The following TTC27 variants were observed in gnomAD, a reference collection of about 807,000 sequenced individuals.
TTC27 encodes the protein tetratricopeptide repeat protein 27.
In TTC27, 79 loss-of-function variants were observed where a neutral mutation model predicts 115.9. That is an observed-to-expected ratio of 0.68 (90% CI 0.57 to 0.82). The LOEUF (loss-of-function observed/expected upper bound fraction) is 0.82. TTC27 is among the 40% of genes least tolerant of loss of function. TTC27 has a pLI of 0.00. For missense variants in TTC27, 1,054 were observed against 993.1 expected, an observed-to-expected ratio of 1.06 and a Z score of -0.82; for synonymous variants, 401 against 356.0, an observed-to-expected ratio of 1.13 and a Z score of -1.42.
intron 10 of TTC27, among the ~76,000 whole-genome samples, chr2:32,719,054 G>C (rs985117896): frequency 6.6e-6 from 1 of 152,200 alleles, no homozygotes; most frequent in African/African-American, 2.4e-5. Context: ...AAGATCCCAA[G>C]TGAAGAACCA....
At chr2:32,749,582 T>G (rs927004795) in intron 12 of TTC27, among the ~76,000 whole-genome samples, 1 of 152,230 alleles carries the variant, frequency 6.6e-6, no homozygotes, top group Non-Finnish European at 1.5e-5. Context: ...CTGACACTTT[T>G]GGCCAGTTTT....
chr2:32,722,896 G>A (rs1667973815), intron 10 of TTC27, among the ~76,000 whole-genome samples: 1 of 152,152 alleles, frequency 6.6e-6, no homozygotes, highest in South Asian at 2.1e-4. Context: ...CTTCTGATAA[G>A]GCCAAGAAAG....
chr2:32,666,609 T>C (rs1665785077), intron 6 of TTC27, 26 bp from the exon 7 acceptor site: 2 of 1,612,248 alleles, frequency 1.2e-6, no homozygotes, highest in African/African-American at 2.7e-5. Flanking sequence ...GGTAAGTCAG[T>C]AGATATAATT....
At chr2:32,769,927 T>C (rs918206197) in intron 13 of TTC27, among the ~76,000 whole-genome samples, 1 of 152,152 alleles carries the variant, frequency 6.6e-6, no homozygotes, top group Non-Finnish European at 1.5e-5. Context: ...ATTGAGTGAA[T>C]AGGCAACATG....
At chr2:32,701,347 T>C (rs979285042) in intron 9 of TTC27, among the ~76,000 whole-genome samples, 9 of 152,276 alleles carry the variant, frequency 5.9e-5, no homozygotes, top group Non-Finnish European at 1.3e-4. Context: ...GTATCATCCA[T>C]GTCCAGGAAG....
chr2:32,650,751 G>A (rs1234447978), intron 5 of TTC27, among the ~76,000 whole-genome samples: 1 of 152,068 alleles, frequency 6.6e-6, no homozygotes. Context: ...CAATGGGTAG[G>A]GAGGCTATTT....
chr2:32,762,485 T>G (rs1475977342), intron 13 of TTC27, among the ~76,000 whole-genome samples: 1 of 152,154 alleles, frequency 6.6e-6, no homozygotes, highest in East Asian at 1.9e-4. Context: ...ATTAAAGGGT[T>G]GATTTCTTTG....
Position 32,633,926 on chromosome 2 carries a change from A to G in TTC27, c.317A>G (p.Gln106Arg), listed in dbSNP as rs1451655671. ...LGVSSLQLFV[Q>R]SNWTGPPVDL... ...GTGAGCAGTTTGCAACTTTTTGTTC[A>G]GAGCAACTGGACGGGGCCCCCTGTT... The change falls in exon 3 of 20, where the codon CAG becomes CGG. Residue 106 changes from glutamine (Q) to arginine (R), a missense_variant. Transcript: ENST00000317907. 1 of 1,614,018 alleles carries G rather than the reference A, an allele frequency of 6.2e-7. No individual in the cohort carries two copies. Among genetic ancestry groups the G allele is most frequent in the Admixed American group, 1.7e-5 (1 of 60,008 alleles).
intron 9 of TTC27, among the ~76,000 whole-genome samples, chr2:32,698,465 C>T (rs1329786629): frequency 3.0e-5 from 3 of 99,382 alleles, no homozygotes; most frequent in South Asian, 4.7e-4. Context: ...TATTTTTTAG[C>T]ATTTGGAACA....
chr2:32,729,021 G>A (rs1668204914), intron 10 of TTC27, among the ~76,000 whole-genome samples: 1 of 148,700 alleles, frequency 6.7e-6, no homozygotes, highest in Non-Finnish European at 1.5e-5. Flanking sequence ...ACACACACAC[G>A]TACAAAGATT....
intron 12 of TTC27, among the ~76,000 whole-genome samples, chr2:32,756,975 A>T (rs910088122): frequency 6.6e-6 from 1 of 152,256 alleles, no homozygotes; most frequent in South Asian, 2.1e-4. Flanking sequence ...AACTGTGGAC[A>T]TATGAGAATA....
At chr2:32,657,049 G>A (rs562549304) in intron 5 of TTC27, among the ~76,000 whole-genome samples, 3 of 148,016 alleles carry the variant, frequency 2.0e-5, no homozygotes, top group East Asian at 2.0e-4. Context: ...ACAGTGGCAC[G>A]ATTTCGGCTC....
rs151080285 is a variant in TTC27, at chr2:32,697,908, C to T, written c.1120-4899C>T. Among the ~76,000 whole-genome samples, 136 of 152,202 alleles carry T rather than the reference C, an allele frequency of 8.9e-4. 1 individual carries two copies. The highest frequency in any genetic ancestry group is 3.0e-3 in the African/African-American group (126 of 41,516). ...CTGGAATTGTAGGTGTGCACTAGCACGCCCAGTTAATTTTTGTTATTTTTA... is the reference window on the plus strand; with the variant it reads ...CTGGAATTGTAGGTGTGCACTAGCATGCCCAGTTAATTTTTGTTATTTTTA... On this transcript the variant is annotated intron_variant, in intron 9 of 19. Coordinates refer to ENST00000317907, the MANE Select transcript of TTC27 (RefSeq NM_017735.5).
intron 19 of TTC27, among the ~76,000 whole-genome samples, chr2:32,819,454 T>C (rs1209535915): frequency 2.0e-5 from 3 of 152,196 alleles, no homozygotes; most frequent in Non-Finnish European, 4.4e-5. Context: ...ATTAGGTTTG[T>C]CAAACTGAAT....
At chr2:32,783,166 A>C (rs1670238790) in intron 15 of TTC27, among the ~76,000 whole-genome samples, 1 of 152,226 alleles carries the variant, frequency 6.6e-6, no homozygotes, top group South Asian at 2.1e-4. Flanking sequence ...CCAAATGAGA[A>C]TATAAAGAGG....
chr2:32,695,214 C>A (rs761583038), intron 9 of TTC27, among the ~76,000 whole-genome samples: 1 of 152,118 alleles, frequency 6.6e-6, no homozygotes, highest in African/African-American at 2.4e-5. Context: ...TTAGCCCTTG[C>A]AACTACCATT....
chr2:32,799,786 G>A (rs7597678), intron 16 of TTC27, among the ~76,000 whole-genome samples: 39,280 of 152,128 alleles, frequency 0.26, 5,396 homozygotes, highest in South Asian at 0.49. Context: ...AATTTAATAC[G>A]TAATAATGAT....
At chr2:32,684,576 A>T (rs1265834473) in intron 9 of TTC27, among the ~76,000 whole-genome samples, 1 of 152,112 alleles carries the variant, frequency 6.6e-6, no homozygotes, top group Non-Finnish European at 1.5e-5. Flanking sequence ...ATTATATTTT[A>T]TGTATTTTCT....
chr2:32,703,499 T>G, intron 10 of TTC27, among the ~76,000 whole-genome samples: 1 of 152,056 alleles, frequency 6.6e-6, no homozygotes, highest in East Asian at 1.9e-4. Context: ...CACTTACAGG[T>G]TTATGGTGAG....
Sources: allele counts gnomAD v4.1 joint callset (sites outside exome capture counted in the v4.1 genomes callset), GRCh38; gene constraint gnomAD v4.1.1; transcripts MANE v1.5; gene names NCBI Gene and HGNC (gene_info 2026-07-23, HGNC 2026-07-21).